TEAD1: variants seen among roughly 807,000 people sequenced by gnomAD.
TEAD1 encodes the protein transcriptional enhancer factor TEF-1.
A neutral mutation model predicts 54.9 loss-of-function variants in TEAD1; 9 were observed. The observed-to-expected ratio is 0.16, with a 90% CI of 0.10 to 0.29. The LOEUF (loss-of-function observed/expected upper bound fraction) is 0.29. Ranked by LOEUF, TEAD1 falls within the 10% of genes least tolerant of loss-of-function variation. The pLI is 1.00. For synonymous variants in TEAD1, 200 were observed against 187.8 expected (o/e 1.07, Z -0.53); for missense variants, 387 against 535.9 (o/e 0.72, Z 2.74).
At chr11:12,707,279 A>G (rs2096295414) in intron 2 of TEAD1, among the ~76,000 whole-genome samples, 1 of 150,884 alleles carries the variant, frequency 6.6e-6, no homozygotes. Flanking sequence ...TCACCCTTCC[A>G]CTCCTCCTCA....
chr11:12,793,786 G>A (rs1349607218), intron 3 of TEAD1, among the ~76,000 whole-genome samples: 1 of 152,210 alleles, frequency 6.6e-6, no homozygotes, highest in East Asian at 1.9e-4. Context: ...GTGATTGTCT[G>A]AGGGAGTGGG....
chr11:12,849,874 C>T (rs1442203771), intron 3 of TEAD1, among the ~76,000 whole-genome samples: 4 of 152,052 alleles, frequency 2.6e-5, no homozygotes, highest in East Asian at 3.8e-4. Context: ...AAGATAGTGC[C>T]CTCTTAATGT....
chr11:12,738,288 G>A (rs890347116), intron 2 of TEAD1, among the ~76,000 whole-genome samples: 3 of 152,144 alleles, frequency 2.0e-5, no homozygotes, highest in Non-Finnish European at 2.9e-5. Context: ...TTACTGCCCC[G>A]TACCTTCTGA....
chr11:12,740,152 A>C (rs10741602), intron 2 of TEAD1, among the ~76,000 whole-genome samples: 2 of 152,120 alleles, frequency 1.3e-5, no homozygotes, highest in East Asian at 3.9e-4. Context: ...GACTGTCTAG[A>C]TTTAAATCCT....
chr11:12,862,223 C>T, intron 3 of TEAD1, 27 bp from the exon 4 acceptor site: 1 of 1,605,316 alleles, frequency 6.2e-7, no homozygotes, highest in Non-Finnish European at 8.5e-7. Context: ...GGTAACCCAC[C>T]TCATGGTAAA....
chr11:12,825,261 G>A (rs754347190), intron 3 of TEAD1, among the ~76,000 whole-genome samples: 8 of 152,006 alleles, frequency 5.3e-5, no homozygotes, highest in South Asian at 2.1e-4. Flanking sequence ...AAAGGCATCC[G>A]GATTGGGAAG....
intron 12 of TEAD1, 94 bp downstream of exon 12, chr11:12,930,420 C>T (rs941384102): frequency 2.0e-5 from 30 of 1,486,448 alleles, no homozygotes; most frequent in Middle Eastern, 1.7e-4. Context: ...GGGCCTGCGC[C>T]GAGGGAACTG....
At chr11:12,883,779 C>A (rs754497083) in intron 9 of TEAD1, among the ~76,000 whole-genome samples, 3 of 151,884 alleles carry the variant, frequency 2.0e-5, no homozygotes, top group Non-Finnish European at 4.4e-5. Flanking sequence ...TTTGGGAGGC[C>A]GAGGCAGGTG....
intron 3 of TEAD1, among the ~76,000 whole-genome samples, chr11:12,825,879 AT>A (rs1946642294): frequency 1.3e-5 from 2 of 152,240 alleles, no homozygotes. Context: ...TTGTCAATTG[AT>A]TTCTCTACAG....
chr11:12,894,904 C>T (rs1948279860), intron 9 of TEAD1, among the ~76,000 whole-genome samples: 1 of 152,174 alleles, frequency 6.6e-6, no homozygotes, highest in Non-Finnish European at 1.5e-5. Context: ...ATTCTTGACA[C>T]TCCAGTACAG....
rs753374355 is a variant in TEAD1, at chr11:12,902,071, T to C, written c.831T>C (p.Phe277=). 4 of 1,614,264 alleles carry C rather than the reference T, an allele frequency of 2.5e-6. No individual in the cohort carries two copies. Among genetic ancestry groups the C allele is most frequent in the Non-Finnish European group, 3.4e-6 (4 of 1,180,048 alleles). Residue 277 remains phenylalanine, a synonymous_variant, in exon 10 of 13, where the codon TTT becomes TTC. Transcript: ENST00000527636. ...AGAAAGGTGGCTTAAAGGAACTGTTTGGAAAGGGCCCTCAAAATGCCTTCT... is the reference window on the plus strand; with the variant it reads ...AGAAAGGTGGCTTAAAGGAACTGTTCGGAAAGGGCCCTCAAAATGCCTTCT...
At chr11:12,759,209 C>G (rs1945051649) in intron 2 of TEAD1, among the ~76,000 whole-genome samples, 1 of 152,134 alleles carries the variant, frequency 6.6e-6, no homozygotes, top group African/African-American at 2.4e-5. Context: ...GCAGCAAATT[C>G]CTGTGTCCTA....
Position 12,944,728 on chromosome 11 carries a change from G to A in TEAD1, c.*7506G>A, listed in dbSNP as rs1949191069. On this transcript the variant is annotated 3_prime_UTR_variant, in exon 13 of 13. Transcript: ENST00000527636. ...TCAATGAAAAATAAAGAAAATGAAA[G>A]TGTGGGTCACCTTTTTTATCTGCAG... 6.6e-6 allele frequency among the ~76,000 whole-genome samples: 1 copy of A among 152,170 alleles called. No homozygotes were observed. Among genetic ancestry groups the A allele is most frequent in the Admixed American group, 6.5e-5 (1 of 15,270 alleles).
intron 2 of TEAD1, among the ~76,000 whole-genome samples, chr11:12,687,537 C>T (rs955990697): frequency 1.3e-5 from 2 of 152,220 alleles, no homozygotes; most frequent in African/African-American, 4.8e-5. Flanking sequence ...GTCAGGCTAA[C>T]AAAGGACTGC....
At chr11:12,921,875 G>T (rs1413552573) in intron 10 of TEAD1, among the ~76,000 whole-genome samples, 1 of 152,134 alleles carries the variant, frequency 6.6e-6, no homozygotes, top group Non-Finnish European at 1.5e-5. Flanking sequence ...CTGCTGAGCT[G>T]CTCTTTTGTG....
At chr11:12,906,045 T>C (rs1434389777) in intron 10 of TEAD1, among the ~76,000 whole-genome samples, 3 of 152,234 alleles carry the variant, frequency 2.0e-5, no homozygotes, top group African/African-American at 7.2e-5. Context: ...TCTACTGGCA[T>C]CCCAGGCCCC....
chr11:12,889,974 G>A (rs1948166613), intron 9 of TEAD1, among the ~76,000 whole-genome samples: 2 of 151,962 alleles, frequency 1.3e-5, no homozygotes, highest in Non-Finnish European at 2.9e-5. Flanking sequence ...CACCCACCTC[G>A]GCCTCCCAAA....
At chr11:12,887,098 T>G (rs2196899) in intron 9 of TEAD1, among the ~76,000 whole-genome samples, 29,299 of 138,694 alleles carry the variant, frequency 0.21, 3,329 homozygotes, top group East Asian at 0.64. Context: ...TTTTTGTTTG[T>G]TTTTTTTTTT....
At chr11:12,919,945 C>T (rs1397421725) in intron 10 of TEAD1, among the ~76,000 whole-genome samples, 1 of 152,168 alleles carries the variant, frequency 6.6e-6, no homozygotes, top group Non-Finnish European at 1.5e-5. Context: ...ATTTCAGGTG[C>T]AGTCTGAGTC....
Sources: allele counts gnomAD v4.1 joint callset (sites outside exome capture counted in the v4.1 genomes callset), GRCh38; gene constraint gnomAD v4.1.1; transcripts MANE v1.5; gene names NCBI Gene and HGNC (gene_info 2026-07-23, HGNC 2026-07-21).